The following DMD variants were observed in gnomAD, a reference collection of about 807,000 sequenced individuals.
DMD encodes mutant dystrophin.
In DMD, 63 loss-of-function variants were observed where a neutral mutation model predicts 330.1. That is an observed-to-expected ratio of 0.19 (90% CI 0.16 to 0.24). DMD has a LOEUF of 0.24. Ranked by LOEUF, DMD falls within the 10% of genes least tolerant of loss-of-function variation. The pLI is 1.00. For missense variants in DMD, 3,344 were observed against 2,684.1 expected (o/e 1.25, Z -5.43); for synonymous variants, 1,223 against 959.8 (o/e 1.27, Z -5.07).
chrX:31,860,615 G>GA (rs1182921188), intron 48 of DMD, among the ~76,000 whole-genome samples: 13 of 112,257 alleles, frequency 1.2e-4, no homozygotes, highest in East Asian at 8.4e-4. Flanking sequence ...TGAAGACTGG[G>GA]AAAGTGCAGT....
chrX:32,089,630 A>T (rs1398117221), intron 44 of DMD, among the ~76,000 whole-genome samples: 2 of 111,919 alleles, frequency 1.8e-5, no homozygotes, highest in Non-Finnish European at 3.8e-5. Context: ...ATTCTTTTTC[A>T]TGGCCACATA....
At chrX:32,772,921 C>G (rs1402905548) in intron 7 of DMD, among the ~76,000 whole-genome samples, 3 of 111,877 alleles carry the variant, frequency 2.7e-5, no homozygotes, top group African/African-American at 9.8e-5. Context: ...TCATGTGTTC[C>G]AAGATAACAC....
chrX:31,257,813 C>T (rs1185412492), intron 63 of DMD, among the ~76,000 whole-genome samples: 4 of 111,817 alleles, frequency 3.6e-5, no homozygotes, highest in Admixed American at 9.5e-5. Flanking sequence ...GGTATGGTGG[C>T]GGGTGCCTAG....
chrX:31,690,285 A>C (rs1455696634), intron 52 of DMD, among the ~76,000 whole-genome samples: 1 of 112,176 alleles, frequency 8.9e-6, no homozygotes, highest in Non-Finnish European at 1.9e-5. Flanking sequence ...AAAAACAAAC[A>C]ACCCCATCAA....
At chrX:31,258,245 A>G (rs2050165437) in intron 63 of DMD, among the ~76,000 whole-genome samples, 1 of 112,540 alleles carries the variant, frequency 8.9e-6, no homozygotes, top group South Asian at 3.7e-4. Flanking sequence ...GCCCTGATCA[A>G]TTCCTCCCTG....
chrX:32,653,235 T>C, intron 9 of DMD, among the ~76,000 whole-genome samples: 1 of 112,178 alleles, frequency 8.9e-6, no homozygotes, highest in Non-Finnish European at 1.9e-5. Flanking sequence ...TCCTTACCCA[T>C]GCCTATGTCC....
chrX:33,142,528 T>C (rs1208158947), intron 1 of DMD, among the ~76,000 whole-genome samples: 1 of 112,303 alleles, frequency 8.9e-6, no homozygotes, highest in African/African-American at 3.2e-5. Context: ...AAGGAAAGGT[T>C]TGGGGTTTTT....
chrX:32,539,721 C>G (rs937866761), intron 17 of DMD, among the ~76,000 whole-genome samples: 1 of 111,467 alleles, frequency 9.0e-6, no homozygotes, highest in Non-Finnish European at 1.9e-5. Flanking sequence ...AGATGTGACA[C>G]AATTTAACTT....
intron 50 of DMD, among the ~76,000 whole-genome samples, chrX:31,805,413 T>C (rs754151241): frequency 8.9e-6 from 1 of 112,032 alleles, no homozygotes; most frequent in Non-Finnish European, 1.9e-5. Context: ...CTATGAGCAG[T>C]AATTAGATTT....
intron 44 of DMD, among the ~76,000 whole-genome samples, chrX:32,068,693 A>G (rs2096276889): frequency 9.0e-6 from 1 of 111,087 alleles, no homozygotes. Context: ...GATTTGAAAA[A>G]AACTGCCTGC....
chrX:32,471,685 A>G (rs2040644549), intron 22 of DMD, among the ~76,000 whole-genome samples: 1 of 111,910 alleles, frequency 8.9e-6, no homozygotes, highest in African/African-American at 3.2e-5. Context: ...TTCATAAGTT[A>G]TATGCAAATA....
chrX:31,951,159 G>GTATGTGTATA (rs1557025629), intron 45 of DMD, among the ~76,000 whole-genome samples: 12 of 71,701 alleles, frequency 1.7e-4, no homozygotes, highest in African/African-American at 6.1e-4. Flanking sequence ...ATATATATAT[G>GTATGTGTATA]TATATATATA....
At chrX:32,673,548 A>G (rs188952261) in intron 9 of DMD, among the ~76,000 whole-genome samples, 271 of 112,033 alleles carry the variant, frequency 2.4e-3, no homozygotes, top group African/African-American at 8.2e-3. Context: ...GGAAAAGCCA[A>G]TTTGTATTTT....
intron 47 of DMD, among the ~76,000 whole-genome samples, chrX:31,879,929 A>G (rs1369515045): frequency 8.9e-6 from 1 of 112,303 alleles, no homozygotes; most frequent in Non-Finnish European, 1.9e-5. Context: ...TAATCCTTTT[A>G]TGTATTATAA....
chrX:32,909,409 G>C (rs1039386546), intron 2 of DMD, among the ~76,000 whole-genome samples: 6 of 111,700 alleles, frequency 5.4e-5, no homozygotes, highest in Non-Finnish European at 1.1e-4. Flanking sequence ...AATCTAGATA[G>C]TATTTCCGTG....
intron 63 of DMD, among the ~76,000 whole-genome samples, chrX:31,230,362 G>T (rs942138608): frequency 1.8e-5 from 2 of 111,771 alleles, no homozygotes; most frequent in Admixed American, 9.5e-5. Context: ...AGAAATGAAG[G>T]AGAGGGCCAG....
intron 48 of DMD, among the ~76,000 whole-genome samples, chrX:31,853,875 A>G (rs766214310): frequency 3.6e-5 from 4 of 112,240 alleles, no homozygotes; most frequent in Non-Finnish European, 7.5e-5. Flanking sequence ...CTATGTTACA[A>G]GGCATTGGCC....
At chrX:31,601,467 C>T (rs371704448) in intron 55 of DMD, among the ~76,000 whole-genome samples, 7 of 111,456 alleles carry the variant, frequency 6.3e-5, no homozygotes, top group Middle Eastern at 4.2e-3. Context: ...GTTCCTAGTT[C>T]GGAATCAATT....
intron 1 of DMD, among the ~76,000 whole-genome samples, chrX:33,248,721 A>AGTTTTCTAGAT (rs1190797600): frequency 1.2e-4 from 14 of 112,154 alleles, no homozygotes; most frequent in African/African-American, 4.5e-4. Flanking sequence ...CTAGAAAATG[A>AGTTTTCTAGAT]AAAGTATTGT....
Sources: gnomAD v4.1 joint callset for allele counts (sites outside exome capture counted in the v4.1 genomes callset) on GRCh38, gnomAD v4.1.1 for gene constraint, MANE v1.5 for transcripts, NCBI Gene and HGNC (gene_info 2026-07-23, HGNC 2026-07-21) for gene names.